Variants in MPPED1 observed in about 807,000 individuals in gnomAD.
The protein encoded by MPPED1 is metallophosphoesterase domain-containing protein 1.
A neutral mutation model predicts 36.2 loss-of-function variants in MPPED1; 16 were observed. The ratio of observed to expected loss-of-function variants is 0.44; its 90% CI spans 0.30 to 0.67. MPPED1 has a LOEUF of 0.67. MPPED1 is among the 30% of genes least tolerant of loss of function. The pLI is 0.10. For synonymous variants in MPPED1, 199 were observed against 191.3 expected (o/e 1.04, Z -0.33); for missense variants, 307 against 453.4 (o/e 0.68, Z 2.93).
intron 5 of MPPED1, among the ~76,000 whole-genome samples, chr22:43,501,706 G>T (rs946339922): frequency 2.6e-5 from 4 of 152,240 alleles, no homozygotes; most frequent in East Asian, 3.9e-4. Context: ...AGGTTAAGTG[G>T]CTTGTCCAAG....
intron 3 of MPPED1, among the ~76,000 whole-genome samples, chr22:43,442,879 T>A (rs1405721392): frequency 2.6e-5 from 4 of 152,102 alleles, no homozygotes; most frequent in African/African-American, 7.2e-5. Flanking sequence ...CATGGGTTAG[T>A]AGATCTCTCG....
At chr22:43,495,464 C>CTGGTTATGGTGGTGGTGG (rs1932246381) in intron 4 of MPPED1, among the ~76,000 whole-genome samples, 2 of 67,508 alleles carry the variant, frequency 3.0e-5, no homozygotes, top group Admixed American at 1.6e-4. Flanking sequence ...GGTGGAAGTG[C>CTGGTTATGGTGGTGGTGG]TGGTGATGGT....
At chr22:43,446,993 T>G (rs1371744739) in intron 3 of MPPED1, among the ~76,000 whole-genome samples, 1 of 152,168 alleles carries the variant, frequency 6.6e-6, no homozygotes, top group Non-Finnish European at 1.5e-5. Flanking sequence ...AGGCTTAACT[T>G]GCAGCTCACC....
intron 1 of MPPED1, among the ~76,000 whole-genome samples, chr22:43,413,002 G>A (rs930237798): frequency 3.3e-5 from 5 of 152,156 alleles, no homozygotes; most frequent in African/African-American, 1.2e-4. Flanking sequence ...CCACCTCTCC[G>A]GGCTCAAGCT....
At chr22:43,467,252 C>T (rs1931204849) in intron 3 of MPPED1, among the ~76,000 whole-genome samples, 1 of 152,228 alleles carries the variant, frequency 6.6e-6, no homozygotes. Context: ...CCCGTGCCTG[C>T]TAAGGGTGTC....
At chr22:43,495,310 G>A (rs1409764517) in intron 4 of MPPED1, among the ~76,000 whole-genome samples, 11 of 148,590 alleles carry the variant, frequency 7.4e-5, no homozygotes, top group African/African-American at 2.7e-4. Context: ...TGATGGTGGT[G>A]ATGGTGGTGG....
chr22:43,415,641 G>A (rs183066590), intron 1 of MPPED1, among the ~76,000 whole-genome samples: 1 of 152,224 alleles, frequency 6.6e-6, no homozygotes, highest in Admixed American at 6.5e-5. Flanking sequence ...CTTAATGTCA[G>A]AACCAGGTCA....
Position 43,455,115 on chromosome 22 carries a change from C to CTTTTTTTTTTTTTTT in MPPED1, c.407-19609_407-19608insTTTTTTTTTTTTTTT, listed in dbSNP as rs71284734. Among the ~76,000 whole-genome samples the CTTTTTTTTTTTTTTT allele has an allele frequency of 4.7e-4, 58 of 122,760 alleles. 3 individuals are homozygous for CTTTTTTTTTTTTTTT. The highest frequency in any genetic ancestry group is 6.0e-4 in the Admixed American group (7 of 11,678). 80.5% of individuals were successfully genotyped at this position (122,760 alleles called of 152,430 possible). The stretch of plus-strand genomic sequence containing the variant: ...TTCTCTGCCTCTCTGCCTTCATGTC[C>CTTTTTTTTTTTTTTT]TTTTTTTTTTTTGAGACGAAGTCTT... On this transcript the variant is annotated intron_variant, in intron 3 of 6. Coordinates refer to ENST00000443721, the MANE Select transcript of MPPED1 (RefSeq NM_001044370.2).
intron 3 of MPPED1, among the ~76,000 whole-genome samples, chr22:43,472,758 G>T (rs1330867315): frequency 6.8e-6 from 1 of 147,976 alleles, no homozygotes; most frequent in Non-Finnish European, 1.5e-5. Context: ...GCCAGGCTGG[G>T]ACCTGGCCAT....
At chr22:43,493,341 T>C (rs1468084485) in intron 4 of MPPED1, among the ~76,000 whole-genome samples, 1 of 152,206 alleles carries the variant, frequency 6.6e-6, no homozygotes, top group Non-Finnish European at 1.5e-5. Flanking sequence ...AACAGGGTAG[T>C]ATGTTGGGTT....
intron 5 of MPPED1, among the ~76,000 whole-genome samples, chr22:43,498,970 T>G (rs1932519812): frequency 6.6e-6 from 1 of 152,070 alleles, no homozygotes; most frequent in Admixed American, 6.6e-5. Context: ...CCACTCCCCC[T>G]TCTCTTCAAG....
intron 4 of MPPED1, among the ~76,000 whole-genome samples, chr22:43,490,877 G>A (rs1030187016): frequency 3.3e-5 from 5 of 152,156 alleles, no homozygotes; most frequent in African/African-American, 9.7e-5. Flanking sequence ...CTGGGACCGC[G>A]GCATCAGAAA....
At chr22:43,478,749 G>C (rs577829565) in intron 4 of MPPED1, among the ~76,000 whole-genome samples, 1 of 152,228 alleles carries the variant, frequency 6.6e-6, no homozygotes, top group East Asian at 1.9e-4. Context: ...CTGGGTCCCC[G>C]GCCATACCCC....
intron 3 of MPPED1, among the ~76,000 whole-genome samples, chr22:43,444,563 A>G (rs1335696247): frequency 2.0e-5 from 3 of 151,920 alleles, no homozygotes; most frequent in East Asian, 1.9e-4. Context: ...GGGTTTCACC[A>G]TGTTGGCCAT....
chr22:43,469,497 T>C (rs1046339360), intron 3 of MPPED1, among the ~76,000 whole-genome samples: 1 of 152,230 alleles, frequency 6.6e-6, no homozygotes, highest in Non-Finnish European at 1.5e-5. Flanking sequence ...ATGGGAACAC[T>C]GGAAAACTAA....
intron 1 of MPPED1, among the ~76,000 whole-genome samples, chr22:43,421,766 A>G (rs1929283060): frequency 6.6e-6 from 1 of 152,062 alleles, no homozygotes; most frequent in Non-Finnish European, 1.5e-5. Flanking sequence ...ATCCACTAAT[A>G]CTACTGATGA....
Position 43,505,587 on chromosome 22 carries a change from A to C in MPPED1, c.952A>C (p.Ile318Leu), listed in dbSNP as rs773276284. The change falls in exon 7 of 7, where the codon ATC becomes CTC. Residue 318 changes from isoleucine (I) to leucine (L), a missense_variant. Coordinates refer to ENST00000443721, the MANE Select transcript of MPPED1 (RefSeq NM_001044370.2). ...NYQPVNPPIV[I>L]DLPTPRNS ...CCAGCCCGTGAACCCGCCCATAGTC[A>C]TCGACCTCCCCACACCCCGGAACTC... 1 of 1,612,186 alleles carries C rather than the reference A, an allele frequency of 6.2e-7. No individual in the cohort carries two copies. Among genetic ancestry groups the C allele is most frequent in the Non-Finnish European group, 8.5e-7 (1 of 1,179,272 alleles).
chr22:43,432,869 GAGAGAGAGGGAA>G (rs1929799990), intron 2 of MPPED1, among the ~76,000 whole-genome samples: 6 of 87,508 alleles, frequency 6.9e-5, no homozygotes, highest in Admixed American at 1.4e-4. Context: ...AAAGGGAGGA[GAGAGAGAGGGAA>G]AGAGAAAGGG....
chr22:43,474,845 T>A lies in MPPED1; in HGVS notation c.516T>A (p.Ser172=), dbSNP rs200502126. 363 of 1,614,036 alleles carry A rather than the reference T, an allele frequency of 2.2e-4. 1 individual carries two copies. In the African/African-American group the frequency reaches 2.4e-3, roughly 11 times the overall value. ...AGCAGGACTTTTACTACTTCCCATC[T>A]GTGTCGAAGCTGAAGCCGGAGAACT... ...LIKQDFYYFP[S]VSKLKPENYE... The change falls in exon 4 of 7, where the codon TCT becomes TCA. Residue 172 remains serine, a synonymous_variant. Coordinates refer to ENST00000443721, the MANE Select transcript of MPPED1 (RefSeq NM_001044370.2). This position sits in a 1 kb window ranked among gnomAD's most constrained non-coding sequence, Gnocchi z 5.2.
Sources: allele counts gnomAD v4.1 joint callset (sites outside exome capture counted in the v4.1 genomes callset), GRCh38; gene constraint gnomAD v4.1.1; non-coding constraint Gnocchi (gnomAD v3.1); transcripts MANE v1.5; gene names NCBI Gene and HGNC (gene_info 2026-07-23, HGNC 2026-07-21).